ZRANB3: variants seen among roughly 807,000 people sequenced by gnomAD.
The protein encoded by ZRANB3 is DNA annealing helicase and endonuclease ZRANB3.
A neutral mutation model predicts 133.8 loss-of-function variants in ZRANB3; 125 were observed. The ratio of observed to expected loss-of-function variants is 0.93; its 90% CI spans 0.81 to 1.08. The LOEUF (loss-of-function observed/expected upper bound fraction) is 1.08. Among genes scored for constraint, ZRANB3 ranks in the 50% least tolerant of loss-of-function variants. ZRANB3 has a pLI of 0.00. For missense variants in ZRANB3, 1,229 were observed against 1,275.5 expected, an observed-to-expected ratio of 0.96 and a Z score of 0.56; for synonymous variants, 387 against 432.7, an observed-to-expected ratio of 0.89 and a Z score of 1.31.
In ZRANB3 at chr2:135,487,221, A is replaced by G. The variant is rs892753143; in HGVS notation, c.161+17108T>C. Among the ~76,000 whole-genome samples the G allele has an allele frequency of 2.6e-5, 4 of 152,206 alleles. No individual in the cohort carries two copies. The South Asian group carries it at 8.3e-4, about 32-fold the overall frequency. On this transcript the variant is annotated intron_variant, in intron 2 of 20. Transcript: ENST00000264159. ...TCTTTTTTCTCAGCAGTAGGTCTCA[A>G]TGGTAGGCTTAAAATATTCAGTAAA...
In ZRANB3 at chr2:135,269,079, A is replaced by G; in HGVS notation, c.1269T>C (p.His423=). Residue 423 remains histidine (H), a synonymous_variant, in exon 11 of 21, where the codon CAT becomes CAC. Coordinates refer to ENST00000264159, the MANE Select transcript of ZRANB3 (RefSeq NM_032143.4). ...GAGCTCGGTCTTCTGCTTGTTTTAT[A>G]TGTCCAGGGTCCCAGTACAACTCAG... ...VFAELYWDPG[H]IKQAEDRAHR... 1.2e-6 allele frequency: 2 copies of G among 1,613,040 alleles called. No homozygotes were observed. The highest frequency in any genetic ancestry group is 1.1e-5 in the South Asian group (1 of 91,008).
intron 12 of ZRANB3, among the ~76,000 whole-genome samples, chr2:135,246,790 G>A (rs115311178): frequency 8.5e-5 from 13 of 152,312 alleles, no homozygotes; most frequent in African/African-American, 3.1e-4. Context: ...GAAGTGCTGG[G>A]AATACAAACT....
rs183979723 is a variant in ZRANB3 at position 135,217,335 on chromosome 2, G to A, written c.2495+130C>T. The A allele has an allele frequency of 1.5e-3, 1,343 of 876,300 alleles. 7 individuals carry two copies. The highest frequency in any genetic ancestry group is 3.6e-3 in the Middle Eastern group (11 of 3,052). The allele number at this position is 876,300 out of a possible 1,614,324, so 54.3% of individuals were successfully genotyped here. The stretch of plus-strand genomic sequence containing the variant: ...TCTTGTTATGAAACAATATGGCTGT[G>A]ATTTTATGCATAATTTTCTCATAAC... On this transcript the variant is annotated intron_variant, in intron 17 of 20. Coordinates refer to ENST00000264159, the MANE Select transcript of ZRANB3 (RefSeq NM_032143.4).
intron 2 of ZRANB3, among the ~76,000 whole-genome samples, chr2:135,433,059 C>T (rs1050418950): frequency 6.6e-6 from 1 of 152,038 alleles, no homozygotes; most frequent in South Asian, 2.1e-4. Context: ...GTGGCCTAAC[C>T]TATGTATGCT....
At chr2:135,462,409 C>T (rs919360124) in intron 2 of ZRANB3, among the ~76,000 whole-genome samples, 10 of 152,186 alleles carry the variant, frequency 6.6e-5, no homozygotes, top group African/African-American at 2.4e-4. Flanking sequence ...TATAAGCACA[C>T]ACAGTATTTA....
intron 15 of ZRANB3, 74 bp from the exon 16 acceptor site, chr2:135,219,252 T>C (rs1355916199): frequency 3.0e-6 from 3 of 985,188 alleles, no homozygotes; most frequent in Non-Finnish European, 4.4e-6. Context: ...ATGAAAATAA[T>C]TACATTATGA....
chr2:135,350,405 T>C (rs1352000020), intron 4 of ZRANB3, among the ~76,000 whole-genome samples, 190 bp from the exon 5 acceptor site: 1 of 152,156 alleles, frequency 6.6e-6, no homozygotes, highest in Non-Finnish European at 1.5e-5. Context: ...ATCCAAAATT[T>C]ACAGTTTTGG....
chr2:135,440,132 T>C (rs11892939), intron 2 of ZRANB3, among the ~76,000 whole-genome samples: 40,649 of 152,092 alleles, frequency 0.27, 9,095 homozygotes, highest in African/African-American at 0.6. Context: ...TTCTTATACT[T>C]CAAAAATTCC....
At chr2:135,508,946 G>A (rs1693320594) in intron 1 of ZRANB3, among the ~76,000 whole-genome samples, 1 of 151,480 alleles carries the variant, frequency 6.6e-6, no homozygotes, top group South Asian at 2.1e-4. Context: ...CAGTTCAAAG[G>A]TTTAACTTAA....
intron 2 of ZRANB3, among the ~76,000 whole-genome samples, chr2:135,496,034 A>T (rs1214110474): frequency 6.6e-6 from 1 of 152,158 alleles, no homozygotes; most frequent in Non-Finnish European, 1.5e-5. Context: ...GCAAGCCAAG[A>T]ATCTAATTTT....
chr2:135,448,506 T>C (rs1480474818), intron 2 of ZRANB3, among the ~76,000 whole-genome samples: 1 of 152,212 alleles, frequency 6.6e-6, no homozygotes, highest in African/African-American at 2.4e-5. Context: ...CACAAATTAT[T>C]AGCAATCACA....
chr2:135,444,378 A>T (rs931874086), intron 2 of ZRANB3, among the ~76,000 whole-genome samples: 1 of 152,190 alleles, frequency 6.6e-6, no homozygotes, highest in Non-Finnish European at 1.5e-5. Context: ...AATCTCCATC[A>T]ATTAGTAAAT....
chr2:135,272,795 G>C (rs1680595234), intron 9 of ZRANB3, among the ~76,000 whole-genome samples: 1 of 152,080 alleles, frequency 6.6e-6, no homozygotes, highest in Non-Finnish European at 1.5e-5. Context: ...TTGAAAAGTA[G>C]GGAAACATTA....
At chr2:135,498,770 T>TC (rs1396899811) in intron 2 of ZRANB3, among the ~76,000 whole-genome samples, 5 of 152,160 alleles carry the variant, frequency 3.3e-5, no homozygotes, top group East Asian at 1.9e-4. Flanking sequence ...GGAACATCTA[T>TC]CTTTTTACGG....
intron 6 of ZRANB3, among the ~76,000 whole-genome samples, chr2:135,332,959 G>C (rs949434516): frequency 1.3e-5 from 2 of 152,060 alleles, no homozygotes; most frequent in East Asian, 3.9e-4. Flanking sequence ...ATCCAATCTT[G>C]AATGGATCCA....
intron 16 of ZRANB3, 122 bp from the exon 17 acceptor site, chr2:135,217,729 G>A: frequency 8.4e-7 from 1 of 1,186,224 alleles, no homozygotes; most frequent in Non-Finnish European, 1.2e-6. Flanking sequence ...AGGCTTTTGA[G>A]TTCCATAACC....
rs547320664 is a variant in ZRANB3, at chr2:135,400,326, T to A, written c.162-9506A>T. Among the ~76,000 whole-genome samples, 5 of 152,174 alleles carry A rather than the reference T, an allele frequency of 3.3e-5. No homozygotes were observed. The East Asian group carries it at 9.7e-4, about 29-fold the overall frequency. ...TCTGTGTGTTCACTCTTCTGATAAA[T>A]CCATATTTTGTTTCTTTGTCTAGTC... is the stretch of plus-strand genomic sequence containing the variant. On this transcript the variant is annotated intron_variant, in intron 2 of 20. Coordinates refer to ENST00000264159, the MANE Select transcript of ZRANB3 (RefSeq NM_032143.4).
chr2:135,303,666 T>G (rs575341474), intron 8 of ZRANB3, among the ~76,000 whole-genome samples: 2 of 152,282 alleles, frequency 1.3e-5, no homozygotes, highest in African/African-American at 4.8e-5. Context: ...AAATTTTATA[T>G]TTAGTGTGTT....
intron 12 of ZRANB3, among the ~76,000 whole-genome samples, chr2:135,258,080 G>C (rs1259298483): frequency 6.6e-6 from 1 of 152,074 alleles, no homozygotes; most frequent in Non-Finnish European, 1.5e-5. Flanking sequence ...CTTGAGCCTA[G>C]GAGTTCAAGA....
Sources: allele counts gnomAD v4.1 joint callset (sites outside exome capture counted in the v4.1 genomes callset), GRCh38; gene constraint gnomAD v4.1.1; transcripts MANE v1.5; gene names NCBI Gene and HGNC (gene_info 2026-07-23, HGNC 2026-07-21).